Variants in AVL9 observed in about 807,000 individuals in gnomAD.
AVL9 encodes the protein AVL9 cell migration associated, also known as late secretory pathway protein AVL9 homolog.
In AVL9, 49 loss-of-function variants were observed where a neutral mutation model predicts 79.2. The ratio of observed to expected loss-of-function variants is 0.62; its 90% CI spans 0.49 to 0.79. The LOEUF (loss-of-function observed/expected upper bound fraction) is 0.79, where lower values mean the gene tolerates loss of function less well. Among genes scored for constraint, AVL9 ranks in the 30% least tolerant of loss-of-function variants. The pLI, the probability that AVL9 is intolerant of heterozygous loss-of-function variation, is 0.00. For synonymous variants in AVL9, 299 were observed against 280.6 expected (o/e 1.07, Z -0.65); for missense variants, 682 against 776.8 (o/e 0.88, Z 1.45).
intron 10 of AVL9, among the ~76,000 whole-genome samples, chr7:32,568,947 A>G: frequency 6.6e-6 from 1 of 152,206 alleles, no homozygotes; most frequent in African/African-American, 2.4e-5. Context: ...GAGTAAGAAT[A>G]TAACCAAATT....
intron 10 of AVL9, among the ~76,000 whole-genome samples, chr7:32,563,331 C>A (rs1267793768): frequency 6.6e-6 from 1 of 151,968 alleles, no homozygotes; most frequent in East Asian, 1.9e-4. Context: ...TGTGCCCAGC[C>A]TCTCCCGTAT....
chr7:32,520,486 G>T (rs1481415900), intron 1 of AVL9, among the ~76,000 whole-genome samples: 1 of 152,180 alleles, frequency 6.6e-6, no homozygotes, highest in African/African-American at 2.4e-5. Context: ...AACCAGCCTA[G>T]TAGACTAGAT....
intron 10 of AVL9, among the ~76,000 whole-genome samples, chr7:32,561,358 C>G (rs1790324308): frequency 2.0e-5 from 3 of 152,250 alleles, no homozygotes; most frequent in Admixed American, 6.5e-5. Context: ...CTTGCTACAG[C>G]TTCTTCATCA....
At chr7:32,517,219 A>G (rs1787941252) in intron 1 of AVL9, among the ~76,000 whole-genome samples, 1 of 152,094 alleles carries the variant, frequency 6.6e-6, no homozygotes. Flanking sequence ...CAGGGACCAA[A>G]TGTGGCTTAA....
At chr7:32,580,770 C>G (rs772370617) in intron 14 of AVL9, 32 bp from the exon 15 acceptor site, 3 of 1,545,438 alleles carry the variant, frequency 1.9e-6, no homozygotes, top group Non-Finnish European at 2.7e-6. Flanking sequence ...AAAATTGTAC[C>G]TAACACTTCT....
At chr7:32,545,831 G>C (rs10486509) in intron 3 of AVL9, among the ~76,000 whole-genome samples, 49,933 of 152,004 alleles carry the variant, frequency 0.33, 8,782 homozygotes, top group East Asian at 0.48. Flanking sequence ...CCTCTCAAAA[G>C]GTCATTAATA....
At chr7:32,546,069 C>CTTTTTTTTTTTTTTTTTTTTT (rs57046702) in intron 3 of AVL9, among the ~76,000 whole-genome samples, 1 of 99,040 alleles carries the variant, frequency 1.0e-5, no homozygotes, top group Non-Finnish European at 2.0e-5. Context: ...TACCTGGAGA[C>CTTTTTTTTTTTTTTTTTTTTT]TTTTTTTTTT....
At chr7:32,579,179 CCT>C (rs1202322424) in intron 13 of AVL9, among the ~76,000 whole-genome samples, 3 of 146,394 alleles carry the variant, frequency 2.0e-5, no homozygotes, top group Non-Finnish European at 3.0e-5. Context: ...CAGAGGGACC[CCT>C]GAGATAAGAA....
chr7:32,516,571 C>G (rs1476465655), intron 1 of AVL9, among the ~76,000 whole-genome samples: 3 of 152,058 alleles, frequency 2.0e-5, no homozygotes, highest in Admixed American at 1.3e-4. Flanking sequence ...TGCAGCAGCC[C>G]TACAGGGAAT....
chr7:32,519,844 G>T (rs879036234), intron 1 of AVL9, among the ~76,000 whole-genome samples: 1 of 152,150 alleles, frequency 6.6e-6, no homozygotes, highest in Admixed American at 6.5e-5. Flanking sequence ...TGTACAGGAA[G>T]CATGAATGGG....
At chr7:32,539,822 C>T (rs1352478696) in intron 1 of AVL9, among the ~76,000 whole-genome samples, 1 of 152,162 alleles carries the variant, frequency 6.6e-6, no homozygotes, top group Non-Finnish European at 1.5e-5. Flanking sequence ...CTGTTTCCAC[C>T]TCCTAAAGGT....
intron 1 of AVL9, among the ~76,000 whole-genome samples, chr7:32,522,462 C>T (rs1021243878): frequency 1.3e-5 from 2 of 152,126 alleles, no homozygotes; most frequent in East Asian, 3.9e-4. Context: ...TTGCATGGGA[C>T]CCGTAACCCC....
intron 1 of AVL9, among the ~76,000 whole-genome samples, chr7:32,528,205 C>T (rs1378902023): frequency 6.6e-6 from 1 of 152,162 alleles, no homozygotes; most frequent in Non-Finnish European, 1.5e-5. Context: ...CCACCCACGC[C>T]TTCGAGTTGT....
At chr7:32,581,849 G>T (rs1182531053) in intron 15 of AVL9, among the ~76,000 whole-genome samples, 1 of 152,162 alleles carries the variant, frequency 6.6e-6, no homozygotes, top group African/African-American at 2.4e-5. Flanking sequence ...AACGTGAAAA[G>T]CCTTGCCATA....
intron 1 of AVL9, among the ~76,000 whole-genome samples, chr7:32,514,049 A>G (rs554737481): frequency 7.2e-5 from 11 of 152,348 alleles, no homozygotes; most frequent in Non-Finnish European, 1.2e-4. Flanking sequence ...CTCAGAATAG[A>G]ATGTACGCTC....
At chr7:32,504,875 ATTTTATTTATTTTT>A (rs1787334923) in intron 1 of AVL9, among the ~76,000 whole-genome samples, 1 of 147,466 alleles carries the variant, frequency 6.8e-6, no homozygotes, top group Admixed American at 6.7e-5. Flanking sequence ...TTTTTATTTT[ATTTTATTTATTTTT>A]TTGAGACGGA....
At chr7:32,580,707 T>G in intron 14 of AVL9, 95 bp from the exon 15 acceptor site, 1 of 705,656 alleles carries the variant, frequency 1.4e-6, no homozygotes, top group Non-Finnish European at 2.4e-6. Context: ...GGTTACAGAG[T>G]GACTATTGTG....
intron 1 of AVL9, among the ~76,000 whole-genome samples, chr7:32,503,347 T>TATAG (rs1554332668): frequency 5.4e-4 from 40 of 74,330 alleles, no homozygotes; most frequent in Admixed American, 2.5e-3. Context: ...TATATATAGA[T>TATAG]ATAGATATAG....
At chr7:32,536,226 A>G (rs1465918449) in intron 1 of AVL9, 1 of 152,236 alleles carries the variant, frequency 6.6e-6, no homozygotes, top group Non-Finnish European at 1.5e-5. Flanking sequence ...AGAGCCATTC[A>G]TGTAAATGAC....
Sources: allele counts gnomAD v4.1 joint callset (sites outside exome capture counted in the v4.1 genomes callset), GRCh38; gene constraint gnomAD v4.1.1; transcripts MANE v1.5; gene names NCBI Gene and HGNC (gene_info 2026-07-23, HGNC 2026-07-21).